PISD: variants seen among roughly 807,000 people sequenced by gnomAD.
The protein encoded by PISD is phosphatidylserine decarboxylase, also known as phosphatidylserine decarboxylase proenzyme, mitochondrial.
In PISD, 31 loss-of-function variants were observed where a neutral mutation model predicts 43.5. The ratio of observed to expected loss-of-function variants is 0.71; its 90% CI spans 0.54 to 0.96. PISD has a LOEUF of 0.96. Ranked by LOEUF, PISD falls within the 40% of genes least tolerant of loss-of-function variation. PISD has a pLI of 0.00. For synonymous variants in PISD, 259 were observed against 228.7 expected (o/e 1.13, Z -1.20); for missense variants, 523 against 548.4 (o/e 0.95, Z 0.46).
chr22:31,634,669 C>T (rs906590060), intron 3 of PISD, among the ~76,000 whole-genome samples: 9 of 151,744 alleles, frequency 5.9e-5, no homozygotes, highest in African/African-American at 2.2e-4. Flanking sequence ...GAAACCCCAT[C>T]TTTACTAAAC....
rs1019081776 is a variant in PISD at position 31,619,398 on chromosome 22, C to T, written c.*214G>A. ...ACTTTTTATTTGTAGGCAGAAGGAA[C>T]GGGATAGGTTGAGGGGCATGATGGG... On this transcript the variant is annotated 3_prime_UTR_variant, in exon 8 of 8. Transcript: ENST00000439502. 6 of 648,136 alleles carry T rather than the reference C, an allele frequency of 9.3e-6. No homozygotes were observed. The highest frequency in any genetic ancestry group is 6.1e-5 in the East Asian group (2 of 32,786). 40.1% of individuals were successfully genotyped at this position (648,136 alleles called of 1,614,324 possible).
In PISD at chr22:31,630,342, G is replaced by A. The variant is rs1390093500; in HGVS notation, c.322-8457C>T. On this transcript the variant is annotated intron_variant, in intron 3 of 7. Transcript: ENST00000439502. This position sits in a 1 kb window ranked among gnomAD's most constrained non-coding sequence, Gnocchi z 4.4. ...ACCCGCTCCCTGGCCCTCGGGCGCC[G>A]CCCTCTTCCCCAGGCGGCCTGCCCC... 6.6e-6 allele frequency among the ~76,000 whole-genome samples: 1 copy of A among 152,036 alleles called. No individual in the cohort carries two copies. The highest frequency in any genetic ancestry group is 1.5e-5 in the Non-Finnish European group (1 of 67,996).
chr22:31,621,598 G>A, intron 4 of PISD, 51 bp downstream of exon 4: 3 of 1,598,554 alleles, frequency 1.9e-6, no homozygotes, highest in Non-Finnish European at 1.7e-6. Context: ...GCTGTGCTGG[G>A]GAGGCAGGAA....
intron 3 of PISD, among the ~76,000 whole-genome samples, chr22:31,645,298 A>G (rs2073851154): frequency 6.6e-6 from 1 of 151,662 alleles, no homozygotes; most frequent in Non-Finnish European, 1.5e-5. Context: ...CAGCTACTCC[A>G]GAAGGCTGAG....
intron 3 of PISD, among the ~76,000 whole-genome samples, chr22:31,632,639 G>A (rs1180862720): frequency 6.6e-6 from 1 of 152,102 alleles, no homozygotes; most frequent in Non-Finnish European, 1.5e-5. Context: ...TGTGGGTGTG[G>A]GTGCACCCTG....
In PISD at chr22:31,618,589, TAC is replaced by T. The variant is rs1430226767; in HGVS notation, c.*1021_*1022del. The T allele has an allele frequency of 6.7e-6, 4 of 598,734 alleles. No individual in the cohort carries two copies. Among genetic ancestry groups the T allele is most frequent in the East Asian group, 3.3e-5 (1 of 30,104 alleles). 37.1% of individuals were successfully genotyped at this position (598,734 alleles called of 1,614,324 possible). The stretch of plus-strand genomic sequence containing the variant: ...TCATACAAAAATACTGTGCTACTGA[TAC>T]AGTTGAAAAAATTCAATGATGTCTC... On this transcript the variant is annotated 3_prime_UTR_variant, in exon 8 of 8. Coordinates refer to ENST00000439502, the MANE Select transcript of PISD (RefSeq NM_001326411.2).
chr22:31,662,489 T>C, upstream of PISD: 1 of 513,740 alleles, frequency 1.9e-6, no homozygotes, highest in Non-Finnish European at 3.6e-6. Context: ...CTGGAAAATC[T>C]GAGTCATCCA....
At chr22:31,650,867 A>ATGTT in intron 1 of PISD, 89 bp from the exon 2 acceptor site, 1 of 739,640 alleles carries the variant, frequency 1.4e-6, no homozygotes, top group Non-Finnish European at 2.3e-6. Flanking sequence ...CTCAATAACA[A>ATGTT]TATTGTAGCA....
At chr22:31,648,835 C>T (rs73402167) in intron 2 of PISD, among the ~76,000 whole-genome samples, 1,769 of 152,144 alleles carry the variant, frequency 0.012, 39 homozygotes, top group African/African-American at 0.04. Flanking sequence ...CAACTGCCAC[C>T]GCAGTCACAA....
intron 3 of PISD, chr22:31,629,217 G>GC: frequency 1.0e-6 from 1 of 985,340 alleles, no homozygotes; most frequent in Non-Finnish European, 1.2e-6. Flanking sequence ...GTTGGGGCCT[G>GC]CAAGATTGTT....
rs1299255692 is a variant in PISD, at chr22:31,621,396, G to A, written c.635C>T (p.Thr212Ile). The change falls in exon 5 of 8, where the codon ACC becomes ATC. Residue 212 changes from threonine to isoleucine, a missense_variant. Coordinates refer to ENST00000439502, the MANE Select transcript of PISD (RefSeq NM_001326411.2). ...NCEVEQVKGV[T>I]YSLESFLGPR... ...GCCCAGGAACGACTCCAGGGAGTAG[G>A]TGACCCCCTTTACCTGCTCCACCTC... 6.2e-7 allele frequency: 1 copy of A among 1,613,980 alleles called. No homozygotes were observed. The highest frequency in any genetic ancestry group is 1.1e-5 in the South Asian group (1 of 91,092).
intron 1 of PISD, among the ~76,000 whole-genome samples, chr22:31,661,066 C>G (rs933145582): frequency 1.3e-5 from 2 of 152,166 alleles, no homozygotes; most frequent in African/African-American, 4.8e-5. Context: ...TCAGGGTTGA[C>G]TCATACACAG....
At chr22:31,640,572 GTTGTTTTTTTTT>G (rs1334415533) in intron 3 of PISD, among the ~76,000 whole-genome samples, 1 of 64,260 alleles carries the variant, frequency 1.6e-5, no homozygotes, top group Non-Finnish European at 3.0e-5. Flanking sequence ...TTTCGGTTTG[GTTGTTTTTTTTT>G]TTTTTTTTTT....
At chr22:31,625,405 T>C (rs1429353971) in intron 3 of PISD, among the ~76,000 whole-genome samples, 1 of 152,098 alleles carries the variant, frequency 6.6e-6, no homozygotes, top group Non-Finnish European at 1.5e-5. Flanking sequence ...ACCCCTCCCA[T>C]GGGCAGGAAG....
Position 31,619,853 on chromosome 22 carries a change from G to T in PISD, c.1006-17C>A, listed in dbSNP as rs116971071. On this transcript the variant is annotated splice_polypyrimidine_tract_variant and intron_variant, in intron 7 of 7. Transcript: ENST00000439502. Reference sequence around the variant, plus strand: ...GTGCAGGTCCTGTGGTGATAGGCTGGGGGTCAGTGGGGCCCAGGCCACCAA... The same window carrying T: ...GTGCAGGTCCTGTGGTGATAGGCTGTGGGTCAGTGGGGCCCAGGCCACCAA... The T allele has an allele frequency of 4.9e-4, 760 of 1,565,302 alleles. 7 individuals are homozygous for T. In the East Asian group the frequency reaches 0.014, roughly 29 times the overall value.
chr22:31,637,154 AAAAAAAAAAAATAT>A (rs1343921548), intron 3 of PISD, among the ~76,000 whole-genome samples: 23 of 43,200 alleles, frequency 5.3e-4, no homozygotes, highest in African/African-American at 1.2e-3. Flanking sequence ...AAAAAAAAAA[AAAAAAAAAAAATAT>A]ATATATATAT....
chr22:31,660,423 T>G (rs1480426533), intron 1 of PISD, among the ~76,000 whole-genome samples: 1 of 152,168 alleles, frequency 6.6e-6, no homozygotes, highest in African/African-American at 2.4e-5. Context: ...GAGGTGAAAG[T>G]GGGTGGATCA....
In PISD at chr22:31,630,780, G is replaced by A. The variant is rs1273230606; in HGVS notation, c.322-8895C>T. ...GTCACCTGGGGCTCCCGGCAGGGCCGGGGCGCCGGCTCCGCTCACTCACCC... is the reference window on the plus strand; with the variant it reads ...GTCACCTGGGGCTCCCGGCAGGGCCAGGGCGCCGGCTCCGCTCACTCACCC... On this transcript the variant is annotated intron_variant, in intron 3 of 7. Coordinates refer to ENST00000439502, the MANE Select transcript of PISD (RefSeq NM_001326411.2). The surrounding 1 kb of genome is among the most constrained non-coding windows in gnomAD (Gnocchi z 4.4). The A allele has an allele frequency of 2.0e-6, 2 of 985,600 alleles. No homozygotes were observed. Among genetic ancestry groups the A allele is most frequent in the South Asian group, 4.7e-5 (1 of 21,290 alleles). 61.1% of individuals were successfully genotyped at this position (985,600 alleles called of 1,614,324 possible).
Position 31,618,706 on chromosome 22 carries a change from G to A in PISD, c.*906C>T, listed in dbSNP as rs2072268879. 3.3e-6 allele frequency: 1 copy of A among 304,262 alleles called. No homozygotes were observed. Among genetic ancestry groups the A allele is most frequent in the South Asian group, 1.2e-4 (1 of 8,606 alleles). The allele number at this position is 304,262 out of a possible 1,614,324, so 18.8% of individuals were successfully genotyped here. A position where few individuals can be genotyped will look rare whatever the true frequency, so the allele number is the denominator to read the frequency against. On this transcript the variant is annotated 3_prime_UTR_variant, in exon 8 of 8. Transcript: ENST00000439502. The stretch of plus-strand genomic sequence containing the variant: ...GGGGGCTCCCCAGGCCTGCGTTCCT[G>A]ATAAACTGGGACAGGTTTTCCAGGC...
Sources: allele counts gnomAD v4.1 joint callset (sites outside exome capture counted in the v4.1 genomes callset), GRCh38; gene constraint gnomAD v4.1.1; non-coding constraint Gnocchi (gnomAD v3.1); transcripts MANE v1.5; gene names NCBI Gene and HGNC (gene_info 2026-07-23, HGNC 2026-07-21).